Variants in SPIN1 observed in about 807,000 individuals in gnomAD.
The protein encoded by SPIN1 is spindlin 1.
In SPIN1, 3 loss-of-function variants were observed where a neutral mutation model predicts 26.0. The ratio of observed to expected loss-of-function variants is 0.12; its 90% CI spans 0.05 to 0.30. The LOEUF is 0.30. Ranked by LOEUF, SPIN1 falls within the 10% of genes least tolerant of loss-of-function variation. The pLI is 1.00. For synonymous variants in SPIN1, 101 were observed against 116.5 expected, an observed-to-expected ratio of 0.87 and a Z score of 0.86; for missense variants, 126 against 333.4, an observed-to-expected ratio of 0.38 and a Z score of 4.84.
At chr9:88,440,806 C>A (rs181242566) in intron 2 of SPIN1, among the ~76,000 whole-genome samples, 1 of 151,344 alleles carries the variant, frequency 6.6e-6, no homozygotes. Flanking sequence ...CTTGAACTCT[C>A]AACCTCAGGT....
intron 1 of SPIN1, among the ~76,000 whole-genome samples, chr9:88,395,231 C>G (rs1372404096): frequency 6.6e-6 from 1 of 152,094 alleles, no homozygotes; most frequent in Non-Finnish European, 1.5e-5. Flanking sequence ...ACGAATTTCT[C>G]TCTTGCCCCA....
At chr9:88,441,414 TGC>T (rs1554695424) in intron 2 of SPIN1, among the ~76,000 whole-genome samples, 18 of 141,242 alleles carry the variant, frequency 1.3e-4, no homozygotes, top group Admixed American at 2.8e-4. Flanking sequence ...TGTGTGTGTG[TGC>T]GCGCGCGCGC....
chr9:88,423,772 T>C (rs2118012964), intron 1 of SPIN1, among the ~76,000 whole-genome samples: 1 of 151,112 alleles, frequency 6.6e-6, no homozygotes, highest in South Asian at 2.1e-4. Flanking sequence ...TCTTTATTTA[T>C]TGTACTTTTT....
intron 3 of SPIN1, chr9:88,457,749 G>C (rs1049776908): frequency 3.7e-5 from 30 of 802,090 alleles, no homozygotes; most frequent in Non-Finnish European, 4.4e-5. Context: ...CAAAAATCTA[G>C]CGTTTGTATT....
chr9:88,449,594 G>T (rs1193130998), intron 3 of SPIN1, among the ~76,000 whole-genome samples: 2 of 150,910 alleles, frequency 1.3e-5, no homozygotes, highest in East Asian at 1.9e-4. Context: ...ATTTTTTTTT[G>T]TGTGTGACAT....
At chr9:88,405,638 G>T (rs557146023) in intron 1 of SPIN1, among the ~76,000 whole-genome samples, 14 of 149,466 alleles carry the variant, frequency 9.4e-5, no homozygotes, top group African/African-American at 3.2e-4. Flanking sequence ...CCGCCTCCCG[G>T]GTTCAAGTGA....
intron 1 of SPIN1, chr9:88,391,844 T>A (rs1826926584): frequency 6.6e-6 from 1 of 152,142 alleles, no homozygotes; most frequent in African/African-American, 2.4e-5. Flanking sequence ...CGCGGTCTAG[T>A]CAACAGTACT....
rs117672252 is a variant in SPIN1 at position 88,454,623 on chromosome 9, G to A, written c.101+5634G>A. Among the ~76,000 whole-genome samples the A allele has an allele frequency of 7.2e-5, 11 of 152,242 alleles. No homozygotes were observed. The East Asian group carries it at 2.1e-3, about 29-fold the overall frequency. ...TAAATATACATAAAAATATAGAGTA[G>A]TGTATCATAAATCTTGGCATTCTTC... On this transcript the variant is annotated intron_variant, in intron 3 of 5. Coordinates refer to ENST00000375859, the MANE Select transcript of SPIN1 (RefSeq NM_006717.3).
intron 3 of SPIN1, among the ~76,000 whole-genome samples, chr9:88,457,212 T>C (rs1331429334): frequency 6.6e-6 from 1 of 151,982 alleles, no homozygotes; most frequent in East Asian, 1.9e-4. Context: ...TAAAAACACA[T>C]GTCACAAGTC....
intron 5 of SPIN1, among the ~76,000 whole-genome samples, 160 bp from the exon 6 acceptor site, chr9:88,474,918 G>A (rs899230527): frequency 6.6e-6 from 1 of 151,964 alleles, no homozygotes; most frequent in Non-Finnish European, 1.5e-5. Context: ...TGTCTTTTAC[G>A]AAAACGTTTG....
chr9:88,410,988 CG>C, intron 1 of SPIN1: 5 of 1,461,142 alleles, frequency 3.4e-6, no homozygotes, highest in Non-Finnish European at 4.7e-6. Context: ...GTCTTATCCA[CG>C]GAGTTGTGGT....
At chr9:88,408,748 A>AT (rs1827367203) in intron 1 of SPIN1, among the ~76,000 whole-genome samples, 1 of 140,950 alleles carries the variant, frequency 7.1e-6, no homozygotes, top group African/African-American at 2.7e-5. Context: ...ATCTCGGCTC[A>AT]CTGCAACCTC....
rs1385162267 is a variant in SPIN1 at position 88,393,444 on chromosome 9, G to GTTTT, written c.-159+4906_-159+4907insTTTT. Among the ~76,000 whole-genome samples the GTTTT allele has an allele frequency of 3.4e-5, 4 of 116,606 alleles. 1 individual carries two copies. The highest frequency in any genetic ancestry group is 1.7e-4 in the African/African-American group (4 of 23,734). The allele number at this position is 116,606 out of a possible 152,430, so 76.5% of individuals were successfully genotyped here. A position where few individuals can be genotyped will look rare whatever the true frequency, so the allele number is the denominator to read the frequency against. ...AAGAATGTCCTTTTTCTTGCTTTTG[G>GTTTT]GTTTTTTTTTTTTTTTTTTTTTTTT... On this transcript the variant is annotated intron_variant, in intron 1 of 5. Transcript: ENST00000375859.
rs183586563 is a variant in SPIN1 at position 88,476,933 on chromosome 9, G to C, written c.*1656G>C. ...CTGTTCTTGATGGTTTCCAGGCCTCGTTATGCATGGTTTGCTTGATGCCCA... is the reference window on the plus strand; with the variant it reads ...CTGTTCTTGATGGTTTCCAGGCCTCCTTATGCATGGTTTGCTTGATGCCCA... On this transcript the variant is annotated 3_prime_UTR_variant, in exon 6 of 6. Transcript: ENST00000375859. The C allele has an allele frequency of 1.3e-5, 2 of 152,296 alleles. 1 individual carries two copies. Among genetic ancestry groups the C allele is most frequent in the Admixed American group, 1.3e-4 (2 of 15,298 alleles). 9.4% of individuals were successfully genotyped at this position (152,296 alleles called of 1,614,324 possible). A position where few individuals can be genotyped will look rare whatever the true frequency, so the allele number is the denominator to read the frequency against.
chr9:88,404,040 T>C (rs1827244289), intron 1 of SPIN1, among the ~76,000 whole-genome samples: 1 of 152,152 alleles, frequency 6.6e-6, no homozygotes, highest in Admixed American at 6.6e-5. Flanking sequence ...CAAACCTGTA[T>C]AGTATGTGAC....
chr9:88,432,282 C>T (rs908712460), intron 2 of SPIN1, among the ~76,000 whole-genome samples: 45 of 151,052 alleles, frequency 3.0e-4, no homozygotes, highest in South Asian at 1.1e-3. Flanking sequence ...CTCCACCTCC[C>T]GGGCTCAAGC....
In SPIN1 at chr9:88,448,987, C is replaced by T. The variant is rs745900132; in HGVS notation, c.99C>T (p.His33=). The T allele has an allele frequency of 3.7e-6, 6 of 1,612,668 alleles. No homozygotes were observed. The highest frequency in any genetic ancestry group is 4.2e-6 in the Non-Finnish European group (5 of 1,179,712). The part of the protein sequence containing the change: ...SANMMKKRTS[H]KKHRSSVGPS... ...ACATGATGAAGAAGAGGACATCCCACAAGTAAGCAGTTCTGAAACTGGTTC... is the reference window on the plus strand; with the variant it reads ...ACATGATGAAGAAGAGGACATCCCATAAGTAAGCAGTTCTGAAACTGGTTC... The change falls in exon 3 of 6, where the codon CAC becomes CAT. Residue 33 remains histidine (H), a splice_region_variant and synonymous_variant. Coordinates refer to ENST00000375859, the MANE Select transcript of SPIN1 (RefSeq NM_006717.3).
chr9:88,469,600 C>T (rs1045336467), intron 5 of SPIN1, among the ~76,000 whole-genome samples: 8 of 137,780 alleles, frequency 5.8e-5, no homozygotes, highest in East Asian at 2.0e-4. Context: ...CTGCAACCTC[C>T]GCCTCCCACG....
intron 1 of SPIN1, among the ~76,000 whole-genome samples, chr9:88,395,324 A>G (rs1488541060): frequency 1.3e-5 from 2 of 151,718 alleles, no homozygotes; most frequent in Non-Finnish European, 1.5e-5. Flanking sequence ...TTCCTACACA[A>G]TAGGCAGCGT....
Sources: gnomAD v4.1 joint callset for allele counts (sites outside exome capture counted in the v4.1 genomes callset) on GRCh38, gnomAD v4.1.1 for gene constraint, MANE v1.5 for transcripts, NCBI Gene and HGNC (gene_info 2026-07-23, HGNC 2026-07-21) for gene names.